The following PCGF6 variants were observed in gnomAD, a reference collection of about 807,000 sequenced individuals.
PCGF6 encodes polycomb group RING finger protein 6.
In PCGF6, 24 loss-of-function variants were observed where a neutral mutation model predicts 45.5. The observed-to-expected ratio is 0.53, with a 90% confidence interval of 0.38 to 0.74. PCGF6 has a LOEUF of 0.74. Among genes scored for constraint, PCGF6 ranks in the 30% least tolerant of loss-of-function variants. The pLI is 0.00. For synonymous variants in PCGF6, 152 were observed against 162.1 expected, an observed-to-expected ratio of 0.94 and a Z score of 0.47; for missense variants, 356 against 443.2, an observed-to-expected ratio of 0.80 and a Z score of 1.77.
chr10:103,325,309 A>C (rs2093213994), intron 8 of PCGF6, among the ~76,000 whole-genome samples: 2 of 152,174 alleles, frequency 1.3e-5, no homozygotes, highest in Admixed American at 1.3e-4. Flanking sequence ...GCTGGAGTGC[A>C]GTAGCGCAAT....
At chr10:103,339,441 A>T (rs2093270268) in intron 6 of PCGF6, among the ~76,000 whole-genome samples, 1 of 151,888 alleles carries the variant, frequency 6.6e-6, no homozygotes, top group Admixed American at 6.6e-5. Flanking sequence ...CTGAATACCC[A>T]TCATAACCAA....
intron 6 of PCGF6, among the ~76,000 whole-genome samples, chr10:103,337,691 G>C (rs1036397637): frequency 6.6e-6 from 1 of 152,170 alleles, no homozygotes; most frequent in African/African-American, 2.4e-5. Flanking sequence ...ACTTTGGGAG[G>C]TCGAGGTGGG....
chr10:103,335,962 T>C (rs2093255748), intron 6 of PCGF6, among the ~76,000 whole-genome samples: 1 of 148,678 alleles, frequency 6.7e-6, no homozygotes, highest in Admixed American at 6.8e-5. Flanking sequence ...CGAGACTCCA[T>C]CTCAAAAAAA....
intron 6 of PCGF6, among the ~76,000 whole-genome samples, chr10:103,339,868 A>T (rs1422455219): frequency 8.2e-5 from 9 of 110,146 alleles, no homozygotes; most frequent in Non-Finnish European, 1.7e-4. Flanking sequence ...CACACACACA[A>T]AAGCATCTTA....
intron 5 of PCGF6, among the ~76,000 whole-genome samples, chr10:103,346,433 G>A (rs1489634366): frequency 1.3e-5 from 2 of 152,172 alleles, no homozygotes; most frequent in East Asian, 3.9e-4. Context: ...AGACCATCCT[G>A]GCCAACATGG....
chr10:103,339,789 TTC>T (rs918256271), intron 6 of PCGF6, among the ~76,000 whole-genome samples: 2 of 121,636 alleles, frequency 1.6e-5, no homozygotes, highest in African/African-American at 3.3e-5. Context: ...AAAAGCGAAA[TTC>T]TGTCTGTCTC....
rs559355836 is a variant in PCGF6 at position 103,326,452 on chromosome 10, T to G, written c.909+82A>C. 103 of 794,630 alleles carry G rather than the reference T, an allele frequency of 1.3e-4. No individual in the cohort carries two copies. In the East Asian group the frequency reaches 2.8e-3, roughly 22 times the overall value. 49.2% of individuals were successfully genotyped at this position (794,630 alleles called of 1,614,324 possible). ...AACAAAAATAACAAAAATAATTGCA[T>G]GAAATCCTACAGAGTTCTTTCTACA... On this transcript the variant is annotated intron_variant, in intron 8 of 9. Transcript: ENST00000369847.
intron 9 of PCGF6, among the ~76,000 whole-genome samples, chr10:103,305,589 T>G (rs1592051604): frequency 6.6e-6 from 1 of 151,982 alleles, no homozygotes; most frequent in Non-Finnish European, 1.5e-5. Flanking sequence ...CTTAATAGAC[T>G]ATTTAAGCAT....
intron 6 of PCGF6, 53 bp from the exon 7 acceptor site, chr10:103,334,005 T>A: frequency 8.2e-7 from 1 of 1,213,534 alleles, no homozygotes; most frequent in Non-Finnish European, 1.1e-6. Context: ...GCTATATGTT[T>A]AATCATAAAA....
chr10:103,333,137 AATC>A (rs2093246209), intron 7 of PCGF6, among the ~76,000 whole-genome samples: 2 of 151,736 alleles, frequency 1.3e-5, no homozygotes, highest in South Asian at 4.2e-4. Context: ...AAAAAAAAAA[AATC>A]ATGAGGACTT....
intron 6 of PCGF6, among the ~76,000 whole-genome samples, chr10:103,338,792 CTA>C (rs1026421748): frequency 9.3e-5 from 14 of 150,984 alleles, no homozygotes; most frequent in Non-Finnish European, 1.5e-4. Context: ...CGCTTGAACC[CTA>C]GAGGCAGAGG....
chr10:103,331,792 ATCTC>A lies in PCGF6; in HGVS notation c.810+2129_810+2132del, dbSNP rs955238740. Among the ~76,000 whole-genome samples the A allele has an allele frequency of 4.6e-5, 7 of 151,152 alleles. No homozygotes were observed. The South Asian group carries it at 6.4e-4, about 14-fold the overall frequency. ...ATATTCCTTCAGTGTCATTTAATAC[ATCTC>A]TCTCTCTCTTTTTTGAGACAGAGTC... is the stretch of plus-strand genomic sequence containing the variant. On this transcript the variant is annotated intron_variant, in intron 7 of 9. Transcript: ENST00000369847.
intron 6 of PCGF6, among the ~76,000 whole-genome samples, chr10:103,339,234 T>TA (rs2093269594): frequency 6.6e-6 from 1 of 150,866 alleles, no homozygotes; most frequent in African/African-American, 2.4e-5. Flanking sequence ...GGCAATATGG[T>TA]AAAAAATTAG....
At chr10:103,339,766 C>T (rs58927608) in intron 6 of PCGF6, among the ~76,000 whole-genome samples, 14 of 147,854 alleles carry the variant, frequency 9.5e-5, no homozygotes, top group African/African-American at 3.5e-4. Context: ...CACTGCCCTC[C>T]AGCCTGGGGA....
At chr10:103,318,391 C>T (rs1400018020) in intron 8 of PCGF6, among the ~76,000 whole-genome samples, 2 of 145,116 alleles carry the variant, frequency 1.4e-5, no homozygotes, top group East Asian at 2.1e-4. Context: ...TGTAGTGAAC[C>T]GAGATCGCGC....
In PCGF6 at chr10:103,314,887, G is replaced by A. The variant is rs2093168964; in HGVS notation, c.910-615C>T. ...GGAGAATCACTCGACCCCAGGAGGT[G>A]TTGGTTGCAATGAGCCGAGATCATG... On this transcript the variant is annotated intron_variant, in intron 8 of 9. Coordinates refer to ENST00000369847, the MANE Select transcript of PCGF6 (RefSeq NM_001011663.2). Among the ~76,000 whole-genome samples the A allele has an allele frequency of 2.2e-5, 3 of 137,124 alleles. No individual in the cohort carries two copies. The Admixed American group carries it at 2.4e-4, about 11-fold the overall frequency. The allele number at this position is 137,124 out of a possible 152,430, so 90.0% of individuals were successfully genotyped here.
At chr10:103,347,902 C>T (rs2093305598) in intron 3 of PCGF6, among the ~76,000 whole-genome samples, 1 of 152,156 alleles carries the variant, frequency 6.6e-6, no homozygotes, top group African/African-American at 2.4e-5. Context: ...AGGGCAGAGA[C>T]TGTATTTTGA....
At chr10:103,326,939 G>A (rs751498394) in intron 7 of PCGF6, among the ~76,000 whole-genome samples, 1 of 152,084 alleles carries the variant, frequency 6.6e-6, no homozygotes, top group Non-Finnish European at 1.5e-5. Flanking sequence ...TTCATTTCAA[G>A]TACTGAACTT....
At chr10:103,347,203 T>C (rs1034159777) in intron 5 of PCGF6, 35 bp downstream of exon 5, 8 of 1,483,390 alleles carry the variant, frequency 5.4e-6, no homozygotes, top group Non-Finnish European at 7.4e-6. Context: ...TATTCTTTAA[T>C]CTGTAAGTAC....
Sources: gnomAD v4.1 joint callset for allele counts (sites outside exome capture counted in the v4.1 genomes callset) on GRCh38, gnomAD v4.1.1 for gene constraint, MANE v1.5 for transcripts, NCBI Gene and HGNC (gene_info 2026-07-23, HGNC 2026-07-21) for gene names.